The following CDH9 variants were observed in gnomAD, a reference collection of about 807,000 sequenced individuals.
CDH9 encodes the protein cadherin 9, also known as cadherin-9.
In CDH9, 28 loss-of-function variants were observed where a neutral mutation model predicts 70.9. The ratio of observed to expected loss-of-function variants is 0.40; its 90% confidence interval spans 0.29 to 0.54. CDH9 has a LOEUF of 0.54. Among genes scored for constraint, CDH9 ranks in the 20% least tolerant of loss-of-function variants. The pLI is 0.59. For missense variants in CDH9, 874 were observed against 984.4 expected, an observed-to-expected ratio of 0.89 and a Z score of 1.50; for synonymous variants, 409 against 343.1, an observed-to-expected ratio of 1.19 and a Z score of -2.12.
chr5:26,886,488 G>A (rs1413281074), intron 9 of CDH9, among the ~76,000 whole-genome samples: 1 of 151,962 alleles, frequency 6.6e-6, no homozygotes, highest in African/African-American at 2.4e-5. Context: ...GTACACAGAA[G>A]ATGCATTTTT....
At position 27,036,822 on chromosome 5, in the gene CDH9, C is replaced by T. The variant is rs116504566; in HGVS notation, c.-50+1641G>A. The stretch of plus-strand genomic sequence containing the variant: ...TGCATATAATTATTTATCTACTCCT[C>T]ATTTGGAAAAACTTTAGTCAAACCC... On this transcript the variant is annotated intron_variant, in intron 1 of 11. Coordinates refer to ENST00000231021, the MANE Select transcript of CDH9 (RefSeq NM_016279.4). Among the ~76,000 whole-genome samples the T allele has an allele frequency of 9.0e-3, 1,365 of 151,976 alleles. 10 individuals carry two copies. Among genetic ancestry groups the T allele is most frequent in the Middle Eastern group, 0.037 (11 of 294 alleles).
chr5:26,965,989 A>G (rs1020136334), intron 2 of CDH9, among the ~76,000 whole-genome samples: 5 of 152,336 alleles, frequency 3.3e-5, no homozygotes, highest in South Asian at 2.1e-4. Context: ...AGTATTTTTC[A>G]CAATGGAAAT....
Position 26,901,342 on chromosome 5 carries a change from G to T in CDH9, c.1253+1134C>A, listed in dbSNP as rs540801894. On this transcript the variant is annotated intron_variant, in intron 7 of 11. Coordinates refer to ENST00000231021, the MANE Select transcript of CDH9 (RefSeq NM_016279.4). ...AATTTTCAATCTAATATAAGCTCTAGGCATTAACTACACATTGGATTTTAT... is the reference window on the plus strand; with the variant it reads ...AATTTTCAATCTAATATAAGCTCTATGCATTAACTACACATTGGATTTTAT... Among the ~76,000 whole-genome samples, 31 of 151,780 alleles carry T rather than the reference G, an allele frequency of 2.0e-4. No homozygotes were observed. The South Asian group carries it at 5.8e-3, about 28-fold the overall frequency.
intron 2 of CDH9, among the ~76,000 whole-genome samples, chr5:26,966,501 G>A: frequency 6.6e-6 from 1 of 151,988 alleles, no homozygotes; most frequent in Non-Finnish European, 1.5e-5. Flanking sequence ...TATTGGCATG[G>A]TTGTAACCTA....
intron 2 of CDH9, among the ~76,000 whole-genome samples, chr5:26,952,562 G>T (rs773082936): frequency 1.4e-5 from 2 of 138,040 alleles, no homozygotes; most frequent in Non-Finnish European, 3.1e-5. Context: ...ATGAACCCGG[G>T]AGGCAGAGCC....
intron 1 of CDH9, among the ~76,000 whole-genome samples, chr5:27,007,720 A>T (rs892220123): frequency 1.4e-4 from 22 of 152,252 alleles, no homozygotes; most frequent in Middle Eastern, 6.8e-3. Context: ...TCAATAAATA[A>T]CAAAATCAAG....
intron 2 of CDH9, among the ~76,000 whole-genome samples, chr5:26,945,043 T>C (rs543487665): frequency 6.6e-6 from 1 of 152,314 alleles, no homozygotes; most frequent in East Asian, 1.9e-4. Context: ...CAGTGTGTTT[T>C]AGAGTTGCCA....
At chr5:27,017,869 A>G (rs1349424347) in intron 1 of CDH9, among the ~76,000 whole-genome samples, 1 of 151,928 alleles carries the variant, frequency 6.6e-6, no homozygotes, top group Non-Finnish European at 1.5e-5. Flanking sequence ...AGGTTATTTA[A>G]TGTATATTAT....
intron 2 of CDH9, among the ~76,000 whole-genome samples, chr5:26,933,749 C>A (rs1290690116): frequency 6.6e-6 from 1 of 151,160 alleles, no homozygotes; most frequent in African/African-American, 2.4e-5. Flanking sequence ...CACTGCACTC[C>A]AGCCAGGCGA....
rs576307662 is a variant in CDH9 at position 26,893,843 on chromosome 5, C to T, written c.1254-3279G>A. ...GTCATACTGAAATTTTTCTTTTAAACCTCTATTTCCAGTTGTGCTAACATG... is the reference window on the plus strand; with the variant it reads ...GTCATACTGAAATTTTTCTTTTAAATCTCTATTTCCAGTTGTGCTAACATG... On this transcript the variant is annotated intron_variant, in intron 7 of 11. Transcript: ENST00000231021. Among the ~76,000 whole-genome samples the T allele has an allele frequency of 2.0e-5, 3 of 152,082 alleles. No individual in the cohort carries two copies. In the South Asian group the frequency reaches 6.2e-4, roughly 31 times the overall value.
intron 7 of CDH9, among the ~76,000 whole-genome samples, chr5:26,896,954 C>G (rs1363829879): frequency 1.3e-5 from 2 of 151,828 alleles, no homozygotes; most frequent in African/African-American, 2.4e-5. Context: ...AGAGAAGAAT[C>G]AAATAGACAC....
intron 1 of CDH9, among the ~76,000 whole-genome samples, chr5:26,995,679 T>A (rs1742653373): frequency 6.6e-6 from 1 of 152,126 alleles, no homozygotes; most frequent in South Asian, 2.1e-4. Flanking sequence ...GATAGCAAGC[T>A]TTTTATCCCA....
chr5:26,979,051 A>G (rs1323494469), intron 2 of CDH9, among the ~76,000 whole-genome samples: 1 of 151,804 alleles, frequency 6.6e-6, no homozygotes, highest in Non-Finnish European at 1.5e-5. Context: ...ATTCTGAACT[A>G]TAGATAAGAA....
At chr5:27,011,400 G>A (rs1460606956) in intron 1 of CDH9, among the ~76,000 whole-genome samples, 1 of 152,018 alleles carries the variant, frequency 6.6e-6, no homozygotes, top group Admixed American at 6.6e-5. Flanking sequence ...GACACAGACA[G>A]CAGGCACAGA....
At chr5:26,930,719 ATTCTTAACTTTTC>A (rs1157774725) in intron 2 of CDH9, among the ~76,000 whole-genome samples, 1 of 152,098 alleles carries the variant, frequency 6.6e-6, no homozygotes, top group Non-Finnish European at 1.5e-5. Flanking sequence ...ATCATCAGCT[ATTCTTAACTTTTC>A]TTAAACATAT....
chr5:26,915,019 T>G (rs1475931681), intron 3 of CDH9, among the ~76,000 whole-genome samples: 1 of 152,018 alleles, frequency 6.6e-6, no homozygotes, highest in Non-Finnish European at 1.5e-5. Flanking sequence ...AACAATTATT[T>G]TCAGTTTGCA....
intron 2 of CDH9, among the ~76,000 whole-genome samples, chr5:26,948,472 T>C (rs1268446791): frequency 6.6e-6 from 1 of 152,204 alleles, no homozygotes; most frequent in African/African-American, 2.4e-5. Context: ...ATAGCACATA[T>C]CACACAGCCT....
At chr5:27,021,535 G>A (rs1743138537) in intron 1 of CDH9, among the ~76,000 whole-genome samples, 1 of 151,752 alleles carries the variant, frequency 6.6e-6, no homozygotes, top group Admixed American at 6.6e-5. Flanking sequence ...TAACATTGAA[G>A]TTTTGTCCAT....
rs763497540 is a variant in CDH9, at chr5:26,885,736, C to T, written c.1760G>A (p.Arg587His). 2.9e-5 allele frequency: 47 copies of T among 1,613,546 alleles called. No individual in the cohort carries two copies. The highest frequency in any genetic ancestry group is 3.6e-5 in the Non-Finnish European group (42 of 1,179,856). ...IQSSTGTLTI[R>H]VCACDNQGNM... ...TCCTTGATTATCGCAGGCACACACACGGATAGTGAGTGTACCAGTGCTGCT... is the reference window on the plus strand; with the variant it reads ...TCCTTGATTATCGCAGGCACACACATGGATAGTGAGTGTACCAGTGCTGCT... Residue 587 changes from arginine to histidine, a missense_variant, in exon 11 of 12, where the codon CGT (arginine) becomes CAT (histidine). Coordinates refer to ENST00000231021, the MANE Select transcript of CDH9 (RefSeq NM_016279.4).
Sources: allele counts gnomAD v4.1 joint callset (sites outside exome capture counted in the v4.1 genomes callset), GRCh38; gene constraint gnomAD v4.1.1; transcripts MANE v1.5; gene names NCBI Gene and HGNC (gene_info 2026-07-23, HGNC 2026-07-21).